Variants in PIP4K2B observed in about 807,000 individuals in gnomAD.
PIP4K2B encodes the protein phosphatidylinositol-5-phosphate 4-kinase type 2 beta.
PIP4K2B carries 3 observed loss-of-function variants against 42.0 expected under a neutral mutation model. The ratio of observed to expected loss-of-function variants is 0.07; its 90% CI spans 0.03 to 0.18. The LOEUF is 0.18. PIP4K2B is among the 10% of genes least tolerant of loss of function. PIP4K2B has a pLI of 1.00. For missense variants in PIP4K2B, 332 were observed against 562.3 expected (o/e 0.59, Z 4.14); for synonymous variants, 204 against 210.1 (o/e 0.97, Z 0.25).
chr17:38,778,202 C>A, intron 6 of PIP4K2B, 132 bp downstream of exon 6: 2 of 832,258 alleles, frequency 2.4e-6, no homozygotes, highest in Non-Finnish European at 2.1e-6. Context: ...TCATGACACA[C>A]GGCATTTCAT....
In PIP4K2B at chr17:38,778,357, T is replaced by G. The variant is rs1420392336; in HGVS notation, c.670A>C (p.Arg224=). The G allele has an allele frequency of 1.2e-6, 2 of 1,614,088 alleles. No homozygotes were observed. The highest frequency in any genetic ancestry group is 1.7e-6 in the Non-Finnish European group (2 of 1,179,984). The change falls in exon 6 of 10, where the codon AGA becomes CGA. Residue 224 remains arginine, a synonymous_variant. Transcript: ENST00000619039. ...ACCTTCTCCTTGTCGCTCGCTTCTC[T>G]GGCAACCGTAGAACCCTGAAAGGAT... is the stretch of plus-strand genomic sequence containing the variant. ...KYDLKGSTVA[R]EASDKEKAKD... is the part of the protein sequence containing the mutation.
intron 7 of PIP4K2B, among the ~76,000 whole-genome samples, chr17:38,774,115 G>T (rs1237555667): frequency 6.6e-6 from 1 of 152,214 alleles, no homozygotes; most frequent in Non-Finnish European, 1.5e-5. Context: ...GCTACAAGGT[G>T]GAAGCAACCT....
At chr17:38,787,495 A>G (rs1388608538) in intron 1 of PIP4K2B, among the ~76,000 whole-genome samples, 2 of 152,174 alleles carry the variant, frequency 1.3e-5, no homozygotes, top group Admixed American at 6.6e-5. Flanking sequence ...TTTTCTTTGT[A>G]TCTGTCTTCT....
At chr17:38,794,045 T>C (rs1329023306) in intron 1 of PIP4K2B, among the ~76,000 whole-genome samples, 3 of 152,082 alleles carry the variant, frequency 2.0e-5, no homozygotes, top group Non-Finnish European at 4.4e-5. Context: ...ACTAAAACTA[T>C]ACATACTCCA....
Position 38,767,123 on chromosome 17 carries a change from G to A in PIP4K2B, c.*2568C>T, listed in dbSNP as rs1042301541. ...TTTCTTCATGGCCCCAGGGAGTGAG[G>A]CTGAGGGCAGTCACTTCCCCTCCAA... On this transcript the variant is annotated 3_prime_UTR_variant, in exon 10 of 10. Coordinates refer to ENST00000619039, the MANE Select transcript of PIP4K2B (RefSeq NM_003559.5). The A allele has an allele frequency of 6.6e-6, 1 of 152,222 alleles. No homozygotes were observed. The allele number at this position is 152,222 out of a possible 1,614,324, so 9.4% of individuals were successfully genotyped here. A position where few individuals can be genotyped will look rare whatever the true frequency, so the allele number is the denominator to read the frequency against.
chr17:38,786,754 C>A (rs1910036176), intron 2 of PIP4K2B, 69 bp downstream of exon 2: 1 of 988,234 alleles, frequency 1.0e-6, no homozygotes, highest in South Asian at 1.3e-5. Flanking sequence ...ATGCATGAGG[C>A]TTCAGAAGCC....
chr17:38,786,765 T>C, intron 2 of PIP4K2B, 58 bp downstream of exon 2: 1 of 1,117,102 alleles, frequency 9.0e-7, no homozygotes, highest in South Asian at 1.2e-5. Flanking sequence ...TTCAGAAGCC[T>C]CTGACTTGAG....
chr17:38,785,522 C>A (rs1909958395), intron 2 of PIP4K2B, among the ~76,000 whole-genome samples: 1 of 151,922 alleles, frequency 6.6e-6, no homozygotes, highest in Non-Finnish European at 1.5e-5. Flanking sequence ...ACTAAAAATA[C>A]AAAAAAATTA....
chr17:38,772,124 A>C (rs1466835173), intron 7 of PIP4K2B, among the ~76,000 whole-genome samples: 1 of 152,178 alleles, frequency 6.6e-6, no homozygotes, highest in African/African-American at 2.4e-5. Context: ...ATGACACAAC[A>C]ATATATTTCA....
At chr17:38,794,460 T>A (rs1910513914) in intron 1 of PIP4K2B, among the ~76,000 whole-genome samples, 2 of 145,848 alleles carry the variant, frequency 1.4e-5, no homozygotes, top group African/African-American at 5.1e-5. Context: ...GTCATGAGAG[T>A]ACATCTTATG....
intron 7 of PIP4K2B, among the ~76,000 whole-genome samples, chr17:38,775,045 G>A (rs540918821): frequency 5.8e-4 from 88 of 151,870 alleles, no homozygotes; most frequent in African/African-American, 1.8e-3. Flanking sequence ...CGTCTCCCGG[G>A]TTCATGCCAT....
At chr17:38,779,301 A>G in intron 5 of PIP4K2B, 82 bp downstream of exon 5, 3 of 1,366,258 alleles carry the variant, frequency 2.2e-6, no homozygotes, top group South Asian at 1.2e-5. Flanking sequence ...CAGCTTCCCA[A>G]TTACATGGAA....
chr17:38,790,834 CT>C (rs902851803), intron 1 of PIP4K2B, among the ~76,000 whole-genome samples: 1 of 152,154 alleles, frequency 6.6e-6, no homozygotes, highest in African/African-American at 2.4e-5. Context: ...CCCCTCATTT[CT>C]ACTAGGCCAC....
At chr17:38,777,871 C>A in intron 6 of PIP4K2B, 71 bp from the exon 7 acceptor site, 4 of 1,090,938 alleles carry the variant, frequency 3.7e-6, no homozygotes, top group Non-Finnish European at 5.7e-6. Flanking sequence ...ACTGTTCTGC[C>A]GGGAGCAACT....
chr17:38,787,957 C>T (rs1910128820), intron 1 of PIP4K2B, among the ~76,000 whole-genome samples: 1 of 152,144 alleles, frequency 6.6e-6, no homozygotes, highest in South Asian at 2.1e-4. Flanking sequence ...CAGTGCTTGG[C>T]ACCATTACTA....
rs146038579 is a variant in PIP4K2B at position 38,787,846 on chromosome 17, C to T, written c.160-926G>A. On this transcript the variant is annotated intron_variant, in intron 1 of 9. Coordinates refer to ENST00000619039, the MANE Select transcript of PIP4K2B (RefSeq NM_003559.5). ...CTCTTGACCTCAGGTGATCCACCTG[C>T]CCTGGCCTCCCAAAGTGTTGGGATT... is the stretch of plus-strand genomic sequence containing the variant. 3.8e-3 allele frequency among the ~76,000 whole-genome samples: 573 copies of T among 152,298 alleles called. 2 individuals carry two copies. Among genetic ancestry groups the T allele is most frequent in the Non-Finnish European group, 6.3e-3 (431 of 68,020 alleles).
At position 38,769,494 on chromosome 17, in the gene PIP4K2B, G is replaced by C. The variant is rs1474217516; in HGVS notation, c.*197C>G. Reference sequence around the variant, plus strand: ...AAGGTGGGGTTACATCCTGTGAGCAGGTGCACACACAGCACATCCCCCTCC... The same window carrying C: ...AAGGTGGGGTTACATCCTGTGAGCACGTGCACACACAGCACATCCCCCTCC... On this transcript the variant is annotated 3_prime_UTR_variant, in exon 10 of 10. Transcript: ENST00000619039. The C allele has an allele frequency of 1.6e-6, 1 of 607,268 alleles. No individual in the cohort carries two copies. Among genetic ancestry groups the C allele is most frequent in the Non-Finnish European group, 3.0e-6 (1 of 337,872 alleles). The allele number at this position is 607,268 out of a possible 1,614,324, so 37.6% of individuals were successfully genotyped here.
intron 2 of PIP4K2B, among the ~76,000 whole-genome samples, chr17:38,785,498 G>A (rs887300245): frequency 2.0e-5 from 3 of 152,140 alleles, no homozygotes; most frequent in African/African-American, 4.8e-5. Flanking sequence ...CCAACATGGT[G>A]AAACCCCATC....
intron 1 of PIP4K2B, among the ~76,000 whole-genome samples, chr17:38,789,150 TTCCTGATGTCAAG>T (rs1369032371): frequency 3.9e-5 from 6 of 152,182 alleles, no homozygotes; most frequent in Admixed American, 2.0e-4. Context: ...GCAGGGCCAG[TTCCTGATGTCAAG>T]TCCTGCCATA....
Sources: allele counts gnomAD v4.1 joint callset (sites outside exome capture counted in the v4.1 genomes callset), GRCh38; gene constraint gnomAD v4.1.1; transcripts MANE v1.5; gene names NCBI Gene and HGNC (gene_info 2026-07-23, HGNC 2026-07-21).